EXOSC9: variants seen among roughly 807,000 people sequenced by gnomAD.
The protein encoded by EXOSC9 is exosome complex component RRP45.
Under a neutral mutation model 56.5 loss-of-function variants are expected in EXOSC9, and 38 were observed. The observed-to-expected ratio is 0.67, with a 90% CI of 0.52 to 0.88. The LOEUF (loss-of-function observed/expected upper bound fraction) is 0.88. Ranked by LOEUF, EXOSC9 falls within the 40% of genes least tolerant of loss-of-function variation. The pLI is 0.00. For synonymous variants in EXOSC9, 170 were observed against 170.8 expected, an observed-to-expected ratio of 0.99 and a Z score of 0.04; for missense variants, 559 against 530.5, an observed-to-expected ratio of 1.05 and a Z score of -0.53.
In EXOSC9 at chr4:121,801,661, C is replaced by T. The variant is rs1205659236; in HGVS notation, c.67-166C>T. 5.2e-6 allele frequency: 4 copies of T among 776,318 alleles called. No individual in the cohort carries two copies. In the African/African-American group the frequency reaches 5.2e-5, roughly 10 times the overall value. The allele number at this position is 776,318 out of a possible 1,614,324, so 48.1% of individuals were successfully genotyped here. Reference sequence around the variant, plus strand: ...TTTCGACAGGTTCTTTTCAAGGCTCCAGTCACCGCAGCAGTTGTCCATGCT... The same window carrying T: ...TTTCGACAGGTTCTTTTCAAGGCTCTAGTCACCGCAGCAGTTGTCCATGCT... On this transcript the variant is annotated intron_variant, in intron 1 of 11. Coordinates refer to ENST00000243498, the MANE Select transcript of EXOSC9 (RefSeq NM_005033.3).
intron 4 of EXOSC9, among the ~76,000 whole-genome samples, chr4:121,804,099 CAAG>C: frequency 6.6e-6 from 1 of 151,792 alleles, no homozygotes; most frequent in South Asian, 2.1e-4. Context: ...CTCCTGGGCT[CAAG>C]AGATCCTCTC....
intron 6 of EXOSC9, among the ~76,000 whole-genome samples, chr4:121,809,626 G>C (rs984498451): frequency 5.9e-5 from 9 of 152,092 alleles, no homozygotes; most frequent in African/African-American, 2.2e-4. Context: ...GGCAACTTTA[G>C]GGTTAACCAA....
In EXOSC9 at chr4:121,817,003, TAATA is replaced by T. The variant is rs1202564653; in HGVS notation, c.*150_*153del. The T allele has an allele frequency of 1.0e-5, 8 of 774,242 alleles. No individual in the cohort carries two copies. The highest frequency in any genetic ancestry group is 1.2e-5 in the Non-Finnish European group (6 of 515,208). The allele number at this position is 774,242 out of a possible 1,614,324, so 48.0% of individuals were successfully genotyped here. On this transcript the variant is annotated 3_prime_UTR_variant, in exon 12 of 12. Coordinates refer to ENST00000243498, the MANE Select transcript of EXOSC9 (RefSeq NM_005033.3). ...TTTTTGTTTTTAATGTGCTTTAAAA[TAATA>T]AACCTTCTGGAGCATTTCTCGTCTG... is the stretch of plus-strand genomic sequence containing the variant.
chr4:121,807,365 G>A (rs1398375241), intron 5 of EXOSC9, among the ~76,000 whole-genome samples, 175 bp from the exon 6 acceptor site: 3 of 152,154 alleles, frequency 2.0e-5, no homozygotes, highest in Non-Finnish European at 4.4e-5. Context: ...TGAAAAAGTT[G>A]TACAGTTTGA....
chr4:121,807,317 T>C (rs1727051622), intron 5 of EXOSC9, among the ~76,000 whole-genome samples: 3 of 152,054 alleles, frequency 2.0e-5, no homozygotes, highest in African/African-American at 7.2e-5. Context: ...TTTTATGGGA[T>C]GTAAATTATG....
At chr4:121,811,800 C>A (rs1174601463) in intron 8 of EXOSC9, 129 bp downstream of exon 8, 5 of 473,990 alleles carry the variant, frequency 1.1e-5, no homozygotes, top group East Asian at 3.5e-5. Context: ...ATGGCAATTT[C>A]AATTAAAATT....
rs773244593 is a variant in EXOSC9, at chr4:121,801,399, G to T, written c.-26G>T. On this transcript the variant is annotated 5_prime_UTR_variant, in exon 1 of 12. Transcript: ENST00000243498. ...TTCCGTTTTTCCCGCGGATTCTGGTGCCTGTGGGGCCGGTGACCCAACACC... is the reference window on the plus strand; with the variant it reads ...TTCCGTTTTTCCCGCGGATTCTGGTTCCTGTGGGGCCGGTGACCCAACACC... 33 of 1,609,360 alleles carry T rather than the reference G, an allele frequency of 2.1e-5. No homozygotes were observed. The Admixed American group carries it at 2.8e-4, about 14-fold the overall frequency.
chr4:121,804,680 C>G lies in EXOSC9; in HGVS notation c.443C>G (p.Ala148Gly). The change falls in exon 5 of 12, where the codon GCT becomes GGT. Residue 148 changes from alanine (A) to glycine (G), a missense_variant. Physicochemically the swap from Ala to Gly is moderately conservative, Grantham distance 60. Coordinates refer to ENST00000243498, the MANE Select transcript of EXOSC9 (RefSeq NM_005033.3). ...LLNHDGNIID[A>G]ASIAAIVALC... is the part of the protein sequence containing the mutation. ...AATCATGATGGAAATATTATTGATG[C>G]TGCCAGCATTGCTGCAATCGTGGCC... 1 of 1,607,800 alleles carries G rather than the reference C, an allele frequency of 6.2e-7. No homozygotes were observed. Among genetic ancestry groups the G allele is most frequent in the Non-Finnish European group, 8.5e-7 (1 of 1,174,454 alleles).
intron 5 of EXOSC9, among the ~76,000 whole-genome samples, chr4:121,805,487 T>A (rs900952159): frequency 6.6e-6 from 1 of 152,238 alleles, no homozygotes; most frequent in African/African-American, 2.4e-5. Flanking sequence ...ATGCCCAGAT[T>A]TTCTAAGCAA....
intron 6 of EXOSC9, among the ~76,000 whole-genome samples, chr4:121,809,586 G>T (rs541154162): frequency 6.6e-6 from 1 of 152,098 alleles, no homozygotes. Context: ...TTAGCAGAAC[G>T]CAGTAGAACT....
rs1231191101 is a variant in EXOSC9, at chr4:121,807,435, A to G, written c.523-105A>G. ...TTAAAAGAAGTTATTTAGGTACTCA[A>G]AAGAATAAAGGAACTTCATTTTTTA... On this transcript the variant is annotated intron_variant, in intron 5 of 11. Coordinates refer to ENST00000243498, the MANE Select transcript of EXOSC9 (RefSeq NM_005033.3). 12 of 603,328 alleles carry G rather than the reference A, an allele frequency of 2.0e-5. 1 individual carries two copies. Among genetic ancestry groups the G allele is most frequent in the South Asian group, 8.5e-5 (3 of 35,244 alleles). The allele number at this position is 603,328 out of a possible 1,614,324, so 37.4% of individuals were successfully genotyped here.
At chr4:121,802,431 A>C (rs1295325841) in intron 2 of EXOSC9, among the ~76,000 whole-genome samples, 1 of 152,230 alleles carries the variant, frequency 6.6e-6, no homozygotes, top group Admixed American at 6.5e-5. Flanking sequence ...TTTTTAAAAC[A>C]ATCTGTGGAA....
At chr4:121,816,158 C>A in intron 10 of EXOSC9, 1 of 644,720 alleles carries the variant, frequency 1.6e-6, no homozygotes, top group Non-Finnish European at 2.7e-6. Flanking sequence ...GGGGTTTCAC[C>A]ATGTTGGCCA....
chr4:121,801,646 T>G, intron 1 of EXOSC9, 156 bp downstream of exon 1: 4 of 816,178 alleles, frequency 4.9e-6, no homozygotes. Flanking sequence ...TTTCGACAGG[T>G]TCTTTTCAAG....
intron 10 of EXOSC9, chr4:121,815,415 A>G: frequency 1.0e-6 from 1 of 985,076 alleles, no homozygotes; most frequent in Non-Finnish European, 1.2e-6. Flanking sequence ...AAGCATTGGA[A>G]AAATGGAGCA....
At chr4:121,816,060 C>A in intron 10 of EXOSC9, 3 of 810,072 alleles carry the variant, frequency 3.7e-6, no homozygotes, top group Non-Finnish European at 3.5e-6. Flanking sequence ...TGGGTTCAAG[C>A]GATTCTCATG....
chr4:121,807,146 C>T (rs1201970443), intron 5 of EXOSC9, among the ~76,000 whole-genome samples: 2 of 151,898 alleles, frequency 1.3e-5, no homozygotes, highest in African/African-American at 2.4e-5. Context: ...CAAAATTAGC[C>T]GGGCGTGGTG....
chr4:121,816,740 C>G, intron 11 of EXOSC9, 32 bp from the exon 12 acceptor site: 1 of 1,547,822 alleles, frequency 6.5e-7, no homozygotes, highest in Non-Finnish European at 8.7e-7. Flanking sequence ...TTAACATACT[C>G]TTAGTAAATT....
intron 6 of EXOSC9, chr4:121,807,991 G>A: frequency 4.9e-6 from 1 of 202,274 alleles, no homozygotes; most frequent in South Asian, 1.2e-4. Flanking sequence ...TTGGAAGATA[G>A]GGGACTTTGG....
Sources: gnomAD v4.1 joint callset for allele counts (sites outside exome capture counted in the v4.1 genomes callset) on GRCh38, gnomAD v4.1.1 for gene constraint, MANE v1.5 for transcripts, NCBI Gene and HGNC (gene_info 2026-07-23, HGNC 2026-07-21) for gene names.